The following NELL2 variants were observed in gnomAD, a reference collection of about 807,000 sequenced individuals.
NELL2 encodes the protein neural EGFL like 2.
In NELL2, 41 loss-of-function variants were observed where a neutral mutation model predicts 109.6. The ratio of observed to expected loss-of-function variants is 0.37; its 90% CI spans 0.29 to 0.49. The LOEUF is 0.49. Ranked by LOEUF, NELL2 falls within the 20% of genes least tolerant of loss-of-function variation. The probability of loss-of-function intolerance (pLI) is 0.98; values close to 1 mark genes in which losing one functional copy is unlikely to be tolerated. For missense variants in NELL2, 900 were observed against 1,008.3 expected (o/e 0.89, Z 1.45); for synonymous variants, 355 against 344.7 (o/e 1.03, Z -0.33).
intron 15 of NELL2, among the ~76,000 whole-genome samples, chr12:44,577,660 A>T (rs896786861): frequency 6.6e-6 from 1 of 151,394 alleles, no homozygotes; most frequent in South Asian, 2.1e-4. Flanking sequence ...GTATTTTTTT[A>T]GTAGAGATGG....
At chr12:44,729,389 C>T (rs1283195967) in intron 9 of NELL2, among the ~76,000 whole-genome samples, 5 of 151,702 alleles carry the variant, frequency 3.3e-5, no homozygotes, top group East Asian at 1.9e-4. Context: ...GCGTGTCACA[C>T]ACACACAAAA....
intron 19 of NELL2, among the ~76,000 whole-genome samples, chr12:44,518,180 C>T (rs912765212): frequency 2.0e-5 from 3 of 151,654 alleles, no homozygotes; most frequent in Non-Finnish European, 4.4e-5. Context: ...GAATATATTC[C>T]TATCAAAAGC....
intron 15 of NELL2, among the ~76,000 whole-genome samples, chr12:44,569,400 A>G (rs1339438569): frequency 6.6e-6 from 1 of 152,130 alleles, no homozygotes; most frequent in Non-Finnish European, 1.5e-5. Flanking sequence ...TATATGCCCA[A>G]TAATGAGATT....
intron 9 of NELL2, among the ~76,000 whole-genome samples, chr12:44,741,105 C>T (rs932743879): frequency 6.6e-6 from 1 of 152,156 alleles, no homozygotes; most frequent in Non-Finnish European, 1.5e-5. Flanking sequence ...ACGAACTCTT[C>T]CTCCTATTCC....
rs1453584108 is a variant in NELL2, at chr12:44,694,516, T to TAGAAACAC, written c.1318+9209_1318+9210insGTGTTTCT. On this transcript the variant is annotated intron_variant, in intron 12 of 19. Transcript: ENST00000429094. ...ATATGTATATAATATACAACACACA[T>TAGAAACAC]ACAAACACACACACACACACACACA... Among the ~76,000 whole-genome samples, 5 of 80,416 alleles carry TAGAAACAC rather than the reference T, an allele frequency of 6.2e-5. No homozygotes were observed. In the South Asian group the frequency reaches 1.8e-3, roughly 29 times the overall value. 52.8% of individuals were successfully genotyped at this position (80,416 alleles called of 152,430 possible). A position where few individuals can be genotyped will look rare whatever the true frequency, so the allele number is the denominator to read the frequency against.
intron 2 of NELL2, among the ~76,000 whole-genome samples, chr12:44,843,684 A>G (rs1313243714): frequency 1.3e-5 from 2 of 152,190 alleles, no homozygotes; most frequent in Admixed American, 1.3e-4. Context: ...AGATTAAGGT[A>G]CCAGCAGGTT....
chr12:44,892,946 A>G (rs1945552843), intron 1 of NELL2, among the ~76,000 whole-genome samples: 1 of 152,206 alleles, frequency 6.6e-6, no homozygotes, highest in Non-Finnish European at 1.5e-5. Context: ...AATCCTACAG[A>G]GGATGTTATT....
chr12:44,610,115 G>A (rs1765276972), intron 14 of NELL2, among the ~76,000 whole-genome samples: 1 of 151,704 alleles, frequency 6.6e-6, no homozygotes, highest in Non-Finnish European at 1.5e-5. Flanking sequence ...GATTTCAATG[G>A]GACATTTAAA....
At chr12:44,884,531 C>G (rs1945449734) in intron 1 of NELL2, among the ~76,000 whole-genome samples, 1 of 151,968 alleles carries the variant, frequency 6.6e-6, no homozygotes, top group Non-Finnish European at 1.5e-5. Flanking sequence ...AAGGGAAACA[C>G]TTCCCAACTT....
At chr12:44,827,042 A>G (rs74799100) in intron 2 of NELL2, among the ~76,000 whole-genome samples, 3,055 of 152,340 alleles carry the variant, frequency 0.02, 41 homozygotes, top group Non-Finnish European at 0.03. Context: ...AACTGCACTA[A>G]ATTGCAAAAC....
chr12:44,875,174 C>G (rs777345674), intron 2 of NELL2, 51 bp downstream of exon 2: 3 of 1,578,352 alleles, frequency 1.9e-6, no homozygotes, highest in Non-Finnish European at 2.6e-6. Flanking sequence ...CAACTCCTGC[C>G]GGGGTTATCG....
intron 9 of NELL2, among the ~76,000 whole-genome samples, chr12:44,720,860 T>A (rs1566236293): frequency 6.6e-6 from 1 of 152,184 alleles, no homozygotes. Flanking sequence ...ATACACCATG[T>A]CCTTGGGCTT....
intron 19 of NELL2, among the ~76,000 whole-genome samples, chr12:44,517,565 A>G (rs1941335137): frequency 6.6e-6 from 1 of 152,188 alleles, no homozygotes; most frequent in Admixed American, 6.5e-5. Context: ...GCAATGCAAG[A>G]ATGGCCTTAC....
intron 2 of NELL2, among the ~76,000 whole-genome samples, chr12:44,861,146 G>A (rs1477392660): frequency 6.6e-6 from 1 of 152,200 alleles, no homozygotes; most frequent in Non-Finnish European, 1.5e-5. Flanking sequence ...ATACTGAAGA[G>A]AGCAGTAAGG....
intron 19 of NELL2, among the ~76,000 whole-genome samples, chr12:44,509,318 A>C (rs1565842960): frequency 6.6e-6 from 1 of 152,216 alleles, no homozygotes; most frequent in Non-Finnish European, 1.5e-5. Context: ...AACCTCACAG[A>C]GCAGGGTTTG....
Position 44,875,841 on chromosome 12 carries a change from A to C in NELL2, c.29T>G (p.Phe10Cys), listed in dbSNP as rs989821067. The stretch of plus-strand genomic sequence containing the variant: ...TGCTCCGAGACCGAAGATCAAACAG[A>C]ATGTTCTCAGTAAGACCCGAGACTC... The part of the protein sequence containing the change: MESRVLLRT[F>C]CLIFGLGAVW... The change falls in exon 1 of 20, where the codon TTC becomes TGC. Residue 10 changes from phenylalanine to cysteine, a missense_variant. Coordinates refer to ENST00000429094, the MANE Select transcript of NELL2 (RefSeq NM_001145108.2). 1.7e-5 allele frequency: 27 copies of C among 1,613,802 alleles called. No individual in the cohort carries two copies. Among genetic ancestry groups the C allele is most frequent in the Non-Finnish European group, 2.3e-5 (27 of 1,180,012 alleles).
chr12:44,828,633 C>T (rs1943789980), intron 2 of NELL2, among the ~76,000 whole-genome samples: 2 of 152,116 alleles, frequency 1.3e-5, no homozygotes, highest in South Asian at 4.2e-4. Context: ...GGTTCTATTC[C>T]CAGAACCAAC....
chr12:44,618,743 T>C (rs1377751877), intron 13 of NELL2, among the ~76,000 whole-genome samples: 1 of 152,130 alleles, frequency 6.6e-6, no homozygotes, highest in Non-Finnish European at 1.5e-5. Context: ...CTATGATATA[T>C]TGTAGAAGTT....
chr12:44,698,422 G>C (rs568491564), intron 12 of NELL2, among the ~76,000 whole-genome samples: 2 of 152,300 alleles, frequency 1.3e-5, no homozygotes, highest in East Asian at 3.9e-4. Flanking sequence ...ACTTGATGTG[G>C]TGAGCAAGAA....
Sources: gnomAD v4.1 joint callset for allele counts (sites outside exome capture counted in the v4.1 genomes callset) on GRCh38, gnomAD v4.1.1 for gene constraint, MANE v1.5 for transcripts, NCBI Gene and HGNC (gene_info 2026-07-23, HGNC 2026-07-21) for gene names.